SLC26A4: variants seen among roughly 807,000 people sequenced by gnomAD.
SLC26A4 encodes the protein solute carrier family 26 member 4, also known as pendrin.
A neutral mutation model predicts 90.4 loss-of-function variants in SLC26A4; 93 were observed. That is an observed-to-expected ratio of 1.03 (90% CI 0.87 to 1.22). SLC26A4 has a LOEUF of 1.22. SLC26A4 is among the 50% of genes most tolerant of loss of function. The pLI is 0.00. For missense variants in SLC26A4, 1,127 were observed against 946.2 expected (o/e 1.19, Z -2.51); for synonymous variants, 393 against 354.6 (o/e 1.11, Z -1.22).
chr7:107,704,427 G>A (rs922944914), intron 18 of SLC26A4, 42 bp downstream of exon 18: 12 of 882,180 alleles, frequency 1.4e-5, no homozygotes, highest in African/African-American at 9.9e-5. Context: ...AGACTTTCCC[G>A]TAAGCCCTTT....
At chr7:107,710,339 A>AG in intron 19 of SLC26A4, 140 bp downstream of exon 19, 1 of 695,314 alleles carries the variant, frequency 1.4e-6, no homozygotes, top group Admixed American at 2.3e-5. Flanking sequence ...TTTTTTCATC[A>AG]GTAAAATGGA....
chr7:107,687,048 C>CTGGTATTCTGTT (rs1319120822), intron 8 of SLC26A4, among the ~76,000 whole-genome samples: 1 of 152,150 alleles, frequency 6.6e-6, no homozygotes, highest in Non-Finnish European at 1.5e-5. Context: ...CTGAAGTACT[C>CTGGTATTCTGTT]TGGTATTCTG....
chr7:107,716,582 C>T lies in SLC26A4; in HGVS notation c.*1136C>T, dbSNP rs1474937174. The stretch of plus-strand genomic sequence containing the variant: ...TTTTTTTGACCAAAAGTTTTTATAT[C>T]TTTTCTTTTTATTTATTTTTTTCCT... On this transcript the variant is annotated 3_prime_UTR_variant, in exon 21 of 21. Coordinates refer to ENST00000644269, the MANE Select transcript of SLC26A4 (RefSeq NM_000441.2). 6.6e-6 allele frequency: 1 copy of T among 152,004 alleles called. No homozygotes were observed. The highest frequency in any genetic ancestry group is 1.5e-5 in the Non-Finnish European group (1 of 68,000). The allele number at this position is 152,004 out of a possible 1,614,324, so 9.4% of individuals were successfully genotyped here.
intron 3 of SLC26A4, among the ~76,000 whole-genome samples, chr7:107,671,538 G>A (rs1790866291): frequency 6.6e-6 from 1 of 152,158 alleles, no homozygotes; most frequent in African/African-American, 2.4e-5. Context: ...CTGATCAACT[G>A]AGTCCATTCA....
chr7:107,679,004 A>G (rs1002998525), intron 6 of SLC26A4, among the ~76,000 whole-genome samples: 3 of 152,230 alleles, frequency 2.0e-5, no homozygotes, highest in African/African-American at 7.2e-5. Flanking sequence ...GCTGACAACT[A>G]GAAGTAACAA....
intron 15 of SLC26A4, 41 bp from the exon 16 acceptor site, chr7:107,701,060 G>A (rs1791871521): frequency 3.3e-6 from 4 of 1,197,784 alleles, no homozygotes; most frequent in Non-Finnish European, 5.0e-6. Flanking sequence ...ATAAGCTTTA[G>A]GTGCCAGGCA....
Position 107,716,982 on chromosome 7 carries a change from G to A in SLC26A4, c.*1536G>A, listed in dbSNP as rs1792362002. On this transcript the variant is annotated 3_prime_UTR_variant, in exon 21 of 21. Transcript: ENST00000644269. ...AATCCTGAATTCTGGTTGTAAATCT[G>A]GTTACAGCATAACTAGGATTATAAT... The A allele has an allele frequency of 6.6e-6, 1 of 152,128 alleles. No individual in the cohort carries two copies. The highest frequency in any genetic ancestry group is 6.6e-5 in the Admixed American group (1 of 15,266). 9.4% of individuals were successfully genotyped at this position (152,128 alleles called of 1,614,324 possible).
rs754420679 is a variant in SLC26A4, at chr7:107,683,350, T to C, written c.914T>C (p.Ile305Thr). Residue 305 changes from isoleucine (I) to threonine (T), a missense_variant, in exon 7 of 21, where the codon ATT (isoleucine) becomes ACT (threonine). Transcript: ENST00000644269. Reference sequence around the variant, plus strand: ...CCAGTCCCTATTCCTATAGAAGTAATTGTGGTAAGTAGAATATGTAGTTAG... The same window carrying C: ...CCAGTCCCTATTCCTATAGAAGTAACTGTGGTAAGTAGAATATGTAGTTAG... Reference protein sequence around the residue: ...KIPVPIPIEVIVTIIATAISY... With the variant: ...KIPVPIPIEVTVTIIATAISY... 5.6e-6 allele frequency: 9 copies of C among 1,613,436 alleles called. No homozygotes were observed. Among genetic ancestry groups the C allele is most frequent in the Admixed American group, 3.3e-5 (2 of 59,974 alleles).
Position 107,683,278 on chromosome 7 carries a change from T to G in SLC26A4, c.842T>G (p.Val281Gly). The G allele has an allele frequency of 6.2e-7, 1 of 1,613,540 alleles. No homozygotes were observed. The highest frequency in any genetic ancestry group is 1.1e-5 in the South Asian group (1 of 91,068). ...DFTAGLLTIV[V>G]CMAVKELNDR... Reference sequence around the variant, plus strand: ...ACTGCTGGATTGCTCACCATTGTCGTCTGTATGGCAGTTAAGGAATTAAAT... The same window carrying G: ...ACTGCTGGATTGCTCACCATTGTCGGCTGTATGGCAGTTAAGGAATTAAAT... The change falls in exon 7 of 21, where the codon GTC (valine) becomes GGC (glycine). Residue 281 changes from valine (V) to glycine (G), a missense_variant. By Grantham distance (109) the Val-to-Gly change is moderately radical. Transcript: ENST00000644269.
chr7:107,690,294 A>C, intron 10 of SLC26A4, 57 bp downstream of exon 10: 1 of 1,047,148 alleles, frequency 9.5e-7, no homozygotes, highest in South Asian at 1.2e-5. Context: ...GAATGGCAAC[A>C]GAGGAAGGCT....
intron 8 of SLC26A4, among the ~76,000 whole-genome samples, chr7:107,686,668 C>T (rs962458132): frequency 5.3e-5 from 8 of 151,838 alleles, no homozygotes; most frequent in Non-Finnish European, 1.0e-4. Flanking sequence ...TTAGTAGAGA[C>T]GGGGTTTCAC....
At chr7:107,680,402 T>A in intron 6 of SLC26A4, among the ~76,000 whole-genome samples, 1 of 144,352 alleles carries the variant, frequency 6.9e-6, no homozygotes, top group East Asian at 2.0e-4. Context: ...TATAATCTTA[T>A]CTTATTATAT....
At chr7:107,686,421 C>CTTT (rs1791416590) in intron 8 of SLC26A4, among the ~76,000 whole-genome samples, 2 of 81,296 alleles carry the variant, frequency 2.5e-5, no homozygotes, top group Non-Finnish European at 4.5e-5. Flanking sequence ...TTCTTTCTTT[C>CTTT]TTTCTTTCTT....
At chr7:107,680,806 T>G (rs1791210454) in intron 6 of SLC26A4, among the ~76,000 whole-genome samples, 1 of 152,148 alleles carries the variant, frequency 6.6e-6, no homozygotes, top group Non-Finnish European at 1.5e-5. Flanking sequence ...TAAAAATGTT[T>G]GTGTGATTGG....
At chr7:107,668,383 G>A (rs1790774957) in intron 3 of SLC26A4, among the ~76,000 whole-genome samples, 1 of 152,156 alleles carries the variant, frequency 6.6e-6, no homozygotes, top group African/African-American at 2.4e-5. Context: ...TTGCAATAAG[G>A]ATTCTGCAGT....
At chr7:107,675,327 A>G (rs1359973925) in intron 6 of SLC26A4, among the ~76,000 whole-genome samples, 1 of 150,234 alleles carries the variant, frequency 6.7e-6, no homozygotes, top group Non-Finnish European at 1.5e-5. Context: ...AAAGAAAAGA[A>G]AAAGAAAGAA....
rs56009300 is a variant in SLC26A4 at position 107,717,365 on chromosome 7, C to CAAAAA, written c.*1940_*1944dup. The CAAAAA allele has an allele frequency of 2.7e-5, 2 of 73,556 alleles. No individual in the cohort carries two copies. Among genetic ancestry groups the CAAAAA allele is most frequent in the South Asian group, 5.4e-4 (1 of 1,868 alleles). 4.6% of individuals were successfully genotyped at this position (73,556 alleles called of 1,614,324 possible). A position where few individuals can be genotyped will look rare whatever the true frequency, so the allele number is the denominator to read the frequency against. ...TGGGCGACAGAGCAAGACTCCGTCT[C>CAAAAA]AAAAAAAAAAAAAAAAAAAAAAAAA... On this transcript the variant is annotated 3_prime_UTR_variant, in exon 21 of 21. Transcript: ENST00000644269.
intron 6 of SLC26A4, among the ~76,000 whole-genome samples, chr7:107,682,804 C>G (rs1387804635): frequency 1.3e-5 from 2 of 152,108 alleles, no homozygotes; most frequent in East Asian, 3.9e-4. Context: ...CACCTAGAAA[C>G]CCATTTTAAA....
intron 6 of SLC26A4, 125 bp from the exon 7 acceptor site, chr7:107,683,077 G>A (rs922193510): frequency 6.3e-5 from 46 of 731,254 alleles, no homozygotes; most frequent in Non-Finnish European, 6.0e-5. Context: ...AGTGTTGTTT[G>A]ATGCTGATAT....
Sources: gnomAD v4.1 joint callset for allele counts (sites outside exome capture counted in the v4.1 genomes callset) on GRCh38, gnomAD v4.1.1 for gene constraint, MANE v1.5 for transcripts, NCBI Gene and HGNC (gene_info 2026-07-23, HGNC 2026-07-21) for gene names.